MAD1L1: variants seen among roughly 807,000 people sequenced by gnomAD.
MAD1L1 encodes the protein mitotic spindle assembly checkpoint protein MAD1.
A neutral mutation model predicts 96.9 loss-of-function variants in MAD1L1; 95 were observed. The observed-to-expected ratio is 0.98, with a 90% CI of 0.83 to 1.16. The LOEUF (loss-of-function observed/expected upper bound fraction) is 1.16. MAD1L1 is among the 50% of genes most tolerant of loss of function. The probability of loss-of-function intolerance (pLI) is 0.00; values close to 1 mark genes in which losing one functional copy is unlikely to be tolerated. For synonymous variants in MAD1L1, 473 were observed against 396.6 expected (o/e 1.19, Z -2.29); for missense variants, 1,007 against 954.4 (o/e 1.06, Z -0.73).
intron 18 of MAD1L1, among the ~76,000 whole-genome samples, chr7:1,892,159 G>T (rs770573186): frequency 6.6e-6 from 1 of 152,166 alleles, no homozygotes; most frequent in South Asian, 2.1e-4. Flanking sequence ...TTAGCACTGC[G>T]CCACGGTGGT....
At chr7:1,913,212 G>A (rs550605757) in intron 17 of MAD1L1, among the ~76,000 whole-genome samples, 5 of 152,240 alleles carry the variant, frequency 3.3e-5, no homozygotes, top group South Asian at 2.1e-4. Context: ...CAGGAGACTC[G>A]GGAAGAGGAC....
At chr7:2,177,945 C>T (rs982567950) in intron 10 of MAD1L1, among the ~76,000 whole-genome samples, 18 of 151,606 alleles carry the variant, frequency 1.2e-4, no homozygotes, top group African/African-American at 4.1e-4. Flanking sequence ...TTCAAACACA[C>T]CAGGAGGTTA....
At chr7:2,076,968 C>A (rs539327257) in intron 11 of MAD1L1, among the ~76,000 whole-genome samples, 1 of 146,196 alleles carries the variant, frequency 6.8e-6, no homozygotes, top group African/African-American at 2.8e-5. Context: ...GCACGGTGAG[C>A]CCGCAGCATG....
rs1323946316 is a variant in MAD1L1 at position 2,142,227 on chromosome 7, G to A, written c.1073+6925C>T. Among the ~76,000 whole-genome samples, 3 of 152,152 alleles carry A rather than the reference G, an allele frequency of 2.0e-5. No individual in the cohort carries two copies. Among genetic ancestry groups the A allele is most frequent in the Non-Finnish European group, 4.4e-5 (3 of 68,026 alleles). Reference sequence around the variant, plus strand: ...AGCCAAACTAACCCGAGCAGCCTTCGCCAAAGAACAAGGCAGGCACGTGCC... The same window carrying A: ...AGCCAAACTAACCCGAGCAGCCTTCACCAAAGAACAAGGCAGGCACGTGCC... On this transcript the variant is annotated intron_variant, in intron 11 of 18. Coordinates refer to ENST00000265854, the MANE Select transcript of MAD1L1 (RefSeq NM_001013836.2). This position sits in a 1 kb window ranked among gnomAD's most constrained non-coding sequence, Gnocchi z 4.7.
chr7:2,024,637 G>A (rs919873374), intron 12 of MAD1L1, among the ~76,000 whole-genome samples: 2 of 152,142 alleles, frequency 1.3e-5, no homozygotes, highest in African/African-American at 4.8e-5. Context: ...CGCTTCAAAT[G>A]ATCACTCAGG....
chr7:2,168,949 C>T (rs1047801681), intron 10 of MAD1L1, among the ~76,000 whole-genome samples: 2 of 152,360 alleles, frequency 1.3e-5, no homozygotes, highest in African/African-American at 4.8e-5. Flanking sequence ...AACACGCGCT[C>T]GGACTTGCTG....
chr7:1,817,731 G>A (rs1781895321), intron 18 of MAD1L1, among the ~76,000 whole-genome samples: 2 of 152,154 alleles, frequency 1.3e-5, no homozygotes, highest in South Asian at 4.1e-4. Flanking sequence ...CGGAGCTCAG[G>A]AAACCGTTTT....
chr7:2,039,487 C>G (rs1214129549), intron 12 of MAD1L1, among the ~76,000 whole-genome samples: 1 of 152,172 alleles, frequency 6.6e-6, no homozygotes, highest in African/African-American at 2.4e-5. Context: ...AGCAAGGCAC[C>G]AGAGATGGAG....
chr7:2,016,420 A>G (rs1318726752), intron 12 of MAD1L1, among the ~76,000 whole-genome samples: 1 of 152,144 alleles, frequency 6.6e-6, no homozygotes. Context: ...CCCACCCAGA[A>G]GCGGAGTGCA....
chr7:2,048,324 T>C (rs1294764616), intron 12 of MAD1L1, among the ~76,000 whole-genome samples: 1 of 152,222 alleles, frequency 6.6e-6, no homozygotes, highest in Non-Finnish European at 1.5e-5. Context: ...CCAGGCAAGT[T>C]CCTTCATCTC....
chr7:2,209,783 G>A (rs941390874), intron 10 of MAD1L1, among the ~76,000 whole-genome samples: 4 of 152,216 alleles, frequency 2.6e-5, no homozygotes, highest in South Asian at 2.1e-4. Flanking sequence ...GGCACTCCCA[G>A]CCACAGAGCC....
intron 16 of MAD1L1, among the ~76,000 whole-genome samples, chr7:1,939,335 A>G (rs1389213870): frequency 1.3e-5 from 2 of 151,074 alleles, no homozygotes; most frequent in Admixed American, 1.3e-4. Flanking sequence ...ATACACACAC[A>G]CACAGGCCAG....
intron 11 of MAD1L1, among the ~76,000 whole-genome samples, chr7:2,143,650 G>C (rs1278420124): frequency 6.6e-6 from 1 of 151,990 alleles, no homozygotes; most frequent in Non-Finnish European, 1.5e-5. Context: ...AGCAGTAGAT[G>C]AAACAGGCCA....
intron 13 of MAD1L1, among the ~76,000 whole-genome samples, chr7:2,002,886 G>T (rs886372566): frequency 3.3e-5 from 5 of 152,152 alleles, no homozygotes; most frequent in Non-Finnish European, 5.9e-5. Context: ...CTGCCCCTGC[G>T]GTTCCTACCT....
intron 10 of MAD1L1, among the ~76,000 whole-genome samples, chr7:2,207,904 G>A (rs953654177): frequency 6.6e-6 from 1 of 152,148 alleles, no homozygotes; most frequent in Non-Finnish European, 1.5e-5. Flanking sequence ...CTGACCCATT[G>A]GAAGCTGATG....
intron 10 of MAD1L1, among the ~76,000 whole-genome samples, chr7:2,204,452 TA>T (rs1792485161): frequency 6.6e-6 from 1 of 152,200 alleles, no homozygotes; most frequent in Non-Finnish European, 1.5e-5. Context: ...TAGCACCCCA[TA>T]AGACCCCAAT....
rs1213382948 is a variant in MAD1L1 at position 2,115,432 on chromosome 7, G to A, written c.1073+33720C>T. Among the ~76,000 whole-genome samples, 202 of 146,330 alleles carry A rather than the reference G, an allele frequency of 1.4e-3. 3 individuals carry two copies. The highest frequency in any genetic ancestry group is 2.7e-3 in the Admixed American group (40 of 14,628). ...CACGTGTTCTGGGGTCAGAGGAGGT[G>A]CTGGACAGGGTCCCCGCGTGTTCCG... On this transcript the variant is annotated intron_variant, in intron 11 of 18. Coordinates refer to ENST00000265854, the MANE Select transcript of MAD1L1 (RefSeq NM_001013836.2).
In MAD1L1 at chr7:2,215,866, A is replaced by T. The variant is rs775292239; in HGVS notation, c.924+19T>A. 6.2e-7 allele frequency: 1 copy of T among 1,612,120 alleles called. No homozygotes were observed. The highest frequency in any genetic ancestry group is 1.1e-5 in the South Asian group (1 of 91,022). On this transcript the variant is annotated intron_variant, in intron 9 of 18. Coordinates refer to ENST00000265854, the MANE Select transcript of MAD1L1 (RefSeq NM_001013836.2). ...GGCAGAGGACACCCACAGGAACCGC[A>T]CACCACACAGGCCCTCACCTCGTTC...
chr7:1,885,233 G>A (rs1164853437), intron 18 of MAD1L1, among the ~76,000 whole-genome samples: 1 of 152,134 alleles, frequency 6.6e-6, no homozygotes, highest in Non-Finnish European at 1.5e-5. Context: ...TCAAGGAACT[G>A]GTCTCAGGAA....
Sources: gnomAD v4.1 joint callset for allele counts (sites outside exome capture counted in the v4.1 genomes callset) on GRCh38, gnomAD v4.1.1 for gene constraint, Gnocchi (gnomAD v3.1) non-coding constraint, MANE v1.5 for transcripts, NCBI Gene and HGNC (gene_info 2026-07-23, HGNC 2026-07-21) for gene names.